PCDHA13: variants seen among roughly 807,000 people sequenced by gnomAD.
PCDHA13 encodes the protein protocadherin alpha-13.
PCDHA13 carries 54 observed loss-of-function variants against 64.8 expected under a neutral mutation model. The ratio of observed to expected loss-of-function variants is 0.83; its 90% CI spans 0.67 to 1.04. The LOEUF is 1.04. Among genes scored for constraint, PCDHA13 ranks in the 50% least tolerant of loss-of-function variants. The pLI is 0.00. For missense variants in PCDHA13, 1,248 were observed against 1,254.3 expected (o/e 0.99, Z 0.08); for synonymous variants, 587 against 564.4 (o/e 1.04, Z -0.57).
At chr5:140,966,741 G>A in intron 1 of PCDHA13, 1 of 1,421,320 alleles carries the variant, frequency 7.0e-7, no homozygotes, top group Non-Finnish European at 9.1e-7. Context: ...GGCCCTGCCC[G>A]GCTGCCTCCG....
chr5:141,009,771 T>A lies in PCDHA13; in HGVS notation c.2687T>A (p.Ile896Asn). The change falls in exon 4 of 4, where the codon ATC (isoleucine) becomes AAC (asparagine). Residue 896 changes from isoleucine (I) to asparagine (N), a missense_variant. Transcript: ENST00000289272. The part of the protein sequence containing the change: ...DKFIIPGSPA[I>N]ISIRQEPTNS... ...TTCATTATCCCAGGATCTCCTGCAA[T>A]CATCTCCATCCGGCAGGAGCCTACT... 3 of 1,614,082 alleles carry A rather than the reference T, an allele frequency of 1.9e-6. No homozygotes were observed. Among genetic ancestry groups the A allele is most frequent in the Non-Finnish European group, 2.5e-6 (3 of 1,180,020 alleles).
At chr5:140,916,472 G>A (rs2077581791) in intron 1 of PCDHA13, among the ~76,000 whole-genome samples, 1 of 152,192 alleles carries the variant, frequency 6.6e-6, no homozygotes, top group Non-Finnish European at 1.5e-5. Context: ...TGGTTATTTG[G>A]TGCCCAAGGG....
At chr5:140,911,189 A>T (rs1369810973) in intron 1 of PCDHA13, among the ~76,000 whole-genome samples, 1 of 152,126 alleles carries the variant, frequency 6.6e-6, no homozygotes, top group African/African-American at 2.4e-5. Flanking sequence ...TGGGTTGGGG[A>T]GGACATGTTG....
intron 1 of PCDHA13, chr5:140,969,060 A>T (rs2096292130): frequency 6.2e-7 from 1 of 1,614,012 alleles, no homozygotes. Context: ...AACAATATTG[A>T]TGCCAGGATA....
At chr5:140,966,267 G>T (rs141363782) in intron 1 of PCDHA13, 112 of 351,092 alleles carry the variant, frequency 3.2e-4, no homozygotes, top group Non-Finnish European at 4.7e-4. Context: ...GAGACTGGAT[G>T]AACTGGACAG....
intron 1 of PCDHA13, among the ~76,000 whole-genome samples, chr5:140,931,210 G>A (rs1326851548): frequency 6.6e-6 from 1 of 152,064 alleles, no homozygotes; most frequent in African/African-American, 2.4e-5. Flanking sequence ...TAGTATTTCA[G>A]GTATCAGAGC....
intron 2 of PCDHA13, among the ~76,000 whole-genome samples, chr5:140,979,710 A>C (rs1178718053): frequency 1.3e-5 from 2 of 152,268 alleles, no homozygotes; most frequent in African/African-American, 4.8e-5. Flanking sequence ...GAGGTGATCC[A>C]GTATCCATGC....
At chr5:140,984,441 T>A (rs1554246265) in intron 3 of PCDHA13, among the ~76,000 whole-genome samples, 3 of 152,200 alleles carry the variant, frequency 2.0e-5, no homozygotes, top group Admixed American at 6.5e-5. Context: ...TCTCCCTTGT[T>A]CCCTTTCTTA....
chr5:140,983,518 C>T (rs1417635641), intron 3 of PCDHA13, among the ~76,000 whole-genome samples: 1 of 152,130 alleles, frequency 6.6e-6, no homozygotes, highest in African/African-American at 2.4e-5. Context: ...AGACACTGTG[C>T]CAAGTACATT....
chr5:140,990,990 A>G (rs1269528161), intron 3 of PCDHA13, among the ~76,000 whole-genome samples: 1 of 152,210 alleles, frequency 6.6e-6, no homozygotes, highest in East Asian at 1.9e-4. Flanking sequence ...GACAATAGCT[A>G]CCATTTATTG....
intron 1 of PCDHA13, among the ~76,000 whole-genome samples, chr5:140,916,184 A>C (rs1554197322): frequency 6.6e-6 from 1 of 152,092 alleles, no homozygotes. Context: ...CTCTTCAAGG[A>C]AGTGGGCACC....
chr5:140,925,641 TATAATAATA>T (rs10569930), intron 1 of PCDHA13, among the ~76,000 whole-genome samples: 3,728 of 143,338 alleles, frequency 0.026, 107 homozygotes, highest in African/African-American at 0.059. Context: ...GAACTTAAAG[TATAATAATA>T]ATAATAATAA....
intron 1 of PCDHA13, among the ~76,000 whole-genome samples, chr5:140,935,284 A>G (rs576807866): frequency 6.6e-6 from 1 of 152,340 alleles, no homozygotes; most frequent in South Asian, 2.1e-4. Context: ...AATAAAGTTC[A>G]GCACTCCGAG....
intron 1 of PCDHA13, among the ~76,000 whole-genome samples, chr5:140,906,909 G>A (rs1477484139): frequency 1.3e-5 from 2 of 152,174 alleles, no homozygotes; most frequent in Admixed American, 6.5e-5. Flanking sequence ...TTAAAGGTAG[G>A]AGGAGCCCAA....
At chr5:140,918,789 G>A (rs1453306973) in intron 1 of PCDHA13, among the ~76,000 whole-genome samples, 7 of 142,426 alleles carry the variant, frequency 4.9e-5, no homozygotes, top group African/African-American at 1.9e-4. Flanking sequence ...TGAGGACACA[G>A]CAAAAATGTG....
chr5:140,985,643 A>G (rs564908892), intron 3 of PCDHA13, among the ~76,000 whole-genome samples: 1 of 151,200 alleles, frequency 6.6e-6, no homozygotes, highest in Non-Finnish European at 1.5e-5. Context: ...TCATCCCAAC[A>G]CTTGCAATGG....
intron 1 of PCDHA13, among the ~76,000 whole-genome samples, chr5:140,974,134 C>T (rs1212348196): frequency 1.3e-5 from 2 of 152,290 alleles, no homozygotes; most frequent in East Asian, 1.9e-4. Flanking sequence ...AATCTGCTAA[C>T]CTGAAAACTA....
intron 1 of PCDHA13, among the ~76,000 whole-genome samples, chr5:140,921,897 A>G (rs1414353237): frequency 2.0e-5 from 3 of 152,124 alleles, no homozygotes; most frequent in Non-Finnish European, 2.9e-5. Flanking sequence ...AAAGGAGGAT[A>G]AATATATATT....
At chr5:140,993,460 TCTCACA>T (rs782519654) in intron 3 of PCDHA13, among the ~76,000 whole-genome samples, 239 of 104,566 alleles carry the variant, frequency 2.3e-3, no homozygotes, top group Admixed American at 6.0e-3. Context: ...CTTCTTTCTT[TCTCACA>T]CACACACACA....
Sources: gnomAD v4.1 joint callset for allele counts (sites outside exome capture counted in the v4.1 genomes callset) on GRCh38, gnomAD v4.1.1 for gene constraint, MANE v1.5 for transcripts, NCBI Gene and HGNC (gene_info 2026-07-23, HGNC 2026-07-21) for gene names.